MARCHF1: variants seen among roughly 807,000 people sequenced by gnomAD.
MARCHF1 encodes the protein membrane associated ring-CH-type finger 1.
In MARCHF1, 40 loss-of-function variants were observed where a neutral mutation model predicts 54.2. The ratio of observed to expected loss-of-function variants is 0.74; its 90% CI spans 0.57 to 0.96. MARCHF1 has a LOEUF of 0.96. Among genes scored for constraint, MARCHF1 ranks in the 40% least tolerant of loss-of-function variants. The probability of loss-of-function intolerance (pLI) is 0.00; values close to 1 mark genes in which losing one functional copy is unlikely to be tolerated. For synonymous variants in MARCHF1, 236 were observed against 236.3 expected (o/e 1.00, Z 0.01); for missense variants, 586 against 656.5 (o/e 0.89, Z 1.17).
intron 3 of MARCHF1, among the ~76,000 whole-genome samples, chr4:163,933,636 C>T (rs1477002400): frequency 5.9e-5 from 9 of 152,228 alleles, no homozygotes; most frequent in African/African-American, 1.9e-4. Flanking sequence ...TTCCACACAA[C>T]TTCTCCATTT....
intron 5 of MARCHF1, among the ~76,000 whole-genome samples, chr4:163,667,409 T>C (rs1743580366): frequency 6.6e-6 from 1 of 152,102 alleles, no homozygotes. Flanking sequence ...ATACCATATA[T>C]ATTAGAAGAT....
chr4:164,146,368 A>C (rs1021031446), intron 1 of MARCHF1, among the ~76,000 whole-genome samples: 2 of 151,768 alleles, frequency 1.3e-5, no homozygotes, highest in Admixed American at 6.6e-5. Context: ...TCGCCAAGTC[A>C]ATCCTGAACC....
rs1034493903 is a variant in MARCHF1, at chr4:163,533,472, CAA to C, written c.1340-4428_1340-4427del. On this transcript the variant is annotated intron_variant, in intron 9 of 9. Coordinates refer to ENST00000514618, the MANE Select transcript of MARCHF1 (RefSeq NM_001394959.1). ...TCAAAACTCATAGAACTGTACAACACAAAGAGTGAGCCCCAATGTAACTATGA... is the reference window on the plus strand; with the variant it reads ...TCAAAACTCATAGAACTGTACAACACAGAGTGAGCCCCAATGTAACTATGA... 9.2e-5 allele frequency among the ~76,000 whole-genome samples: 14 copies of C among 151,928 alleles called. 1 individual carries two copies. Among genetic ancestry groups the C allele is most frequent in the South Asian group, 4.2e-4 (2 of 4,816 alleles).
At chr4:163,759,383 T>A (rs1253176778) in intron 4 of MARCHF1, among the ~76,000 whole-genome samples, 1 of 152,218 alleles carries the variant, frequency 6.6e-6, no homozygotes, top group Non-Finnish European at 1.5e-5. Context: ...TTATAAGCTT[T>A]TTTTTCATTT....
At chr4:164,104,878 G>T (rs1433414173) in intron 2 of MARCHF1, among the ~76,000 whole-genome samples, 1 of 65,826 alleles carries the variant, frequency 1.5e-5, no homozygotes, top group East Asian at 2.6e-4. Flanking sequence ...CATTATCTCA[G>T]CCCAAAATCT....
intron 2 of MARCHF1, among the ~76,000 whole-genome samples, chr4:164,097,555 A>C (rs1755443203): frequency 6.6e-6 from 1 of 152,146 alleles, no homozygotes; most frequent in Non-Finnish European, 1.5e-5. Context: ...CACAAATTTG[A>C]TTTCTCATGT....
intron 8 of MARCHF1, among the ~76,000 whole-genome samples, chr4:163,550,530 C>T (rs1240098820): frequency 6.6e-6 from 1 of 150,450 alleles, no homozygotes; most frequent in African/African-American, 2.4e-5. Flanking sequence ...TTTTTGGTAC[C>T]GCCAGACCCA....
intron 7 of MARCHF1, among the ~76,000 whole-genome samples, chr4:163,604,631 G>T (rs575348138): frequency 7.2e-5 from 11 of 151,988 alleles, no homozygotes; most frequent in Non-Finnish European, 1.3e-4. Flanking sequence ...TGCTTAAAAC[G>T]CCTGCAGAAA....
intron 1 of MARCHF1, among the ~76,000 whole-genome samples, chr4:164,374,758 T>TAATACTTAATACTTGTTATTAAGTAA (rs1465524606): frequency 4.6e-5 from 7 of 152,148 alleles, no homozygotes; most frequent in Admixed American, 3.3e-4. Flanking sequence ...CATGTAGTAG[T>TAATACTTAATACTTGTTATTAAGTAA]TACTTAATAA....
intron 5 of MARCHF1, among the ~76,000 whole-genome samples, chr4:163,678,838 A>T (rs751767063): frequency 9.2e-5 from 14 of 152,332 alleles, no homozygotes; most frequent in Non-Finnish European, 1.8e-4. Context: ...TTTATTTATC[A>T]GGTTGTTTGG....
intron 2 of MARCHF1, among the ~76,000 whole-genome samples, chr4:163,992,521 C>T (rs1229337215): frequency 6.6e-6 from 1 of 151,744 alleles, no homozygotes; most frequent in Non-Finnish European, 1.5e-5. Flanking sequence ...GCTTGGTAGA[C>T]ATAAGGTGAT....
intron 3 of MARCHF1, among the ~76,000 whole-genome samples, chr4:163,874,755 G>A (rs562324272): frequency 1.3e-5 from 2 of 151,874 alleles, no homozygotes; most frequent in Admixed American, 6.6e-5. Context: ...ATATCTCTAC[G>A]GTACTTAAGC....
At chr4:164,284,540 A>G (rs1734101028) in intron 1 of MARCHF1, among the ~76,000 whole-genome samples, 1 of 151,108 alleles carries the variant, frequency 6.6e-6, no homozygotes, top group African/African-American at 2.4e-5. Flanking sequence ...CAACTTGAAA[A>G]AGCTGAAAAA....
At chr4:163,858,808 A>G (rs1362167453) in intron 3 of MARCHF1, among the ~76,000 whole-genome samples, 2 of 152,246 alleles carry the variant, frequency 1.3e-5, no homozygotes, top group East Asian at 1.9e-4. Context: ...GTGCTCACAC[A>G]CAGTCCTTAC....
intron 4 of MARCHF1, among the ~76,000 whole-genome samples, chr4:163,755,010 T>C (rs1053537420): frequency 6.6e-6 from 1 of 152,154 alleles, no homozygotes; most frequent in Non-Finnish European, 1.5e-5. Context: ...AGGGATGATT[T>C]TGCCCCCAAG....
intron 1 of MARCHF1, among the ~76,000 whole-genome samples, chr4:164,227,558 G>A (rs1732293058): frequency 6.6e-6 from 1 of 152,158 alleles, no homozygotes; most frequent in Admixed American, 6.6e-5. Context: ...AGGCAGGAAT[G>A]TTGACAAATA....
At chr4:163,922,492 C>T (rs889081631) in intron 3 of MARCHF1, among the ~76,000 whole-genome samples, 4 of 152,172 alleles carry the variant, frequency 2.6e-5, no homozygotes, top group African/African-American at 9.7e-5. Flanking sequence ...ACCAAAATAT[C>T]TCTGGCAGTC....
chr4:163,907,451 G>A (rs796898358), intron 3 of MARCHF1, among the ~76,000 whole-genome samples: 36 of 151,994 alleles, frequency 2.4e-4, no homozygotes, highest in South Asian at 6.2e-4. Context: ...TTAGAAGATG[G>A]CACCTATCTT....
intron 5 of MARCHF1, among the ~76,000 whole-genome samples, chr4:163,695,556 T>G (rs1007220757): frequency 3.9e-5 from 6 of 152,192 alleles, no homozygotes; most frequent in African/African-American, 1.4e-4. Context: ...AAATGAAGTC[T>G]AGTGAATGTA....
Sources: allele counts gnomAD v4.1 joint callset (sites outside exome capture counted in the v4.1 genomes callset), GRCh38; gene constraint gnomAD v4.1.1; transcripts MANE v1.5; gene names NCBI Gene and HGNC (gene_info 2026-07-23, HGNC 2026-07-21).